Variants in ZNF607 observed in about 807,000 individuals in gnomAD.
The protein encoded by ZNF607 is zinc finger protein 607.
A neutral mutation model predicts 12.8 loss-of-function variants in ZNF607; 5 were observed. The ratio of observed to expected loss-of-function variants is 0.39; its 90% CI spans 0.20 to 0.82. The LOEUF is 0.82. Among genes scored for constraint, ZNF607 ranks in the 40% least tolerant of loss-of-function variants. The pLI is 0.39. For missense variants in ZNF607, 851 were observed against 859.2 expected (o/e 0.99, Z 0.12); for synonymous variants, 287 against 276.2 (o/e 1.04, Z -0.39).
At chr19:37,702,302 A>G (rs965915615) in intron 4 of ZNF607, among the ~76,000 whole-genome samples, 3 of 151,252 alleles carry the variant, frequency 2.0e-5, no homozygotes, top group African/African-American at 7.2e-5. Flanking sequence ...AAAAAAAAAA[A>G]AAAAAAAGAA....
rs11669403 is a variant in ZNF607, at chr19:37,708,198, T to A, written c.137-186A>T. Among the ~76,000 whole-genome samples the A allele has an allele frequency of 3.8e-3, 542 of 142,040 alleles. 7 individuals are homozygous for A. Among genetic ancestry groups the A allele is most frequent in the Middle Eastern group, 0.033 (9 of 274 alleles). 93.2% of individuals were successfully genotyped at this position (142,040 alleles called of 152,430 possible). ...TTTGTTTGCTGGTTTTCAAAAAAAA[T>A]TTTTTTTTTTTTTTTGCGACGGAGT... is the stretch of plus-strand genomic sequence containing the variant. On this transcript the variant is annotated intron_variant, in intron 3 of 4. Coordinates refer to ENST00000355202, the MANE Select transcript of ZNF607 (RefSeq NM_032689.5).
At chr19:37,711,864 G>T (rs371076111) in intron 1 of ZNF607, among the ~76,000 whole-genome samples, 172 bp from the exon 2 acceptor site, 2 of 152,132 alleles carry the variant, frequency 1.3e-5, no homozygotes, top group South Asian at 4.2e-4. Context: ...CTACCCAAGG[G>T]CCTCACCTAC....
chr19:37,699,940 C>A (rs1228208347), intron 4 of ZNF607, 45 bp from the exon 5 acceptor site: 3 of 1,391,028 alleles, frequency 2.2e-6, no homozygotes, highest in South Asian at 1.4e-5. Flanking sequence ...GAGAAAATGT[C>A]AATGTTATTG....
intron 1 of ZNF607, among the ~76,000 whole-genome samples, chr19:37,713,437 A>AT (rs60121706): frequency 0.023 from 3,176 of 140,588 alleles, 49 homozygotes; most frequent in East Asian, 0.051. Flanking sequence ...TAAAAGTCTG[A>AT]TTTTTTTTTT....
intron 4 of ZNF607, among the ~76,000 whole-genome samples, chr19:37,701,206 CTTCA>C (rs1432219649): frequency 2.6e-5 from 4 of 152,058 alleles, no homozygotes; most frequent in Non-Finnish European, 5.9e-5. Context: ...GAAAGGAAGT[CTTCA>C]AAGACTTAGA....
Position 37,698,836 on chromosome 19 carries a change from T to C in ZNF607, c.1295A>G (p.Gln432Arg). 1.2e-6 allele frequency: 2 copies of C among 1,611,974 alleles called. No individual in the cohort carries two copies. The highest frequency in any genetic ancestry group is 1.7e-5 in the Admixed American group (1 of 59,776). The part of the protein sequence containing the change: ...KCKECGKAFS[Q>R]RAHLAHHNRI... ...GTTATGATGGGCAAGGTGTGCACGC[T>C]GACTGAAGGCCTTCCCACATTCCTT... Residue 432 changes from glutamine to arginine, a missense_variant, in exon 5 of 5, where the codon CAG (glutamine) becomes CGG (arginine). Physicochemically the swap from Gln to Arg is conservative, Grantham distance 43. Transcript: ENST00000355202.
intron 4 of ZNF607, among the ~76,000 whole-genome samples, chr19:37,704,002 G>A (rs1367741512): frequency 6.6e-6 from 1 of 151,994 alleles, no homozygotes; most frequent in Admixed American, 6.6e-5. Context: ...GGGTGTGGTG[G>A]TATGCATCTG....
chr19:37,704,119 G>A (rs2045061676), intron 4 of ZNF607, among the ~76,000 whole-genome samples: 1 of 151,010 alleles, frequency 6.6e-6, no homozygotes, highest in Admixed American at 6.6e-5. Flanking sequence ...GGGTGACAGA[G>A]TAAGACTCCG....
Position 37,696,743 on chromosome 19 carries a change from C to T in ZNF607, c.*1297G>A. 1 of 1,143,938 alleles carries T rather than the reference C, an allele frequency of 8.7e-7. No individual in the cohort carries two copies. Among genetic ancestry groups the T allele is most frequent in the Non-Finnish European group, 1.3e-6 (1 of 763,786 alleles). The allele number at this position is 1,143,938 out of a possible 1,614,324, so 70.9% of individuals were successfully genotyped here. A position where few individuals can be genotyped will look rare whatever the true frequency, so the allele number is the denominator to read the frequency against. Reference sequence around the variant, plus strand: ...TTGCACAGCTCGCTCTGGCCGTCCCCTGCAGTGGCCAGTGAGTTGGCGATC... The same window carrying T: ...TTGCACAGCTCGCTCTGGCCGTCCCTTGCAGTGGCCAGTGAGTTGGCGATC... On this transcript the variant is annotated 3_prime_UTR_variant, in exon 5 of 5. Transcript: ENST00000355202.
At chr19:37,701,358 G>C (rs1260026803) in intron 4 of ZNF607, among the ~76,000 whole-genome samples, 1 of 151,958 alleles carries the variant, frequency 6.6e-6, no homozygotes, top group Non-Finnish European at 1.5e-5. Flanking sequence ...AACCTTTTTC[G>C]ATTACCTACT....
At chr19:37,709,599 T>A in intron 3 of ZNF607, 97 bp downstream of exon 3, 2 of 1,404,570 alleles carry the variant, frequency 1.4e-6, no homozygotes, top group Non-Finnish European at 1.9e-6. Context: ...TTTAGTTTCT[T>A]AAAAGGCAGC....
intron 1 of ZNF607, among the ~76,000 whole-genome samples, chr19:37,713,409 CGTAGTAG>C (rs1568407695): frequency 6.6e-6 from 1 of 151,460 alleles, no homozygotes; most frequent in Non-Finnish European, 1.5e-5. Context: ...TCAGGTGTGG[CGTAGTAG>C]AAGCACTTAA....
chr19:37,718,220 T>C (rs1028484441), intron 1 of ZNF607, among the ~76,000 whole-genome samples: 2 of 152,220 alleles, frequency 1.3e-5, no homozygotes, highest in Admixed American at 1.3e-4. Flanking sequence ...AGTACACCAA[T>C]GACCGAGAAT....
intron 4 of ZNF607, among the ~76,000 whole-genome samples, chr19:37,706,193 C>T (rs530487114): frequency 3.6e-5 from 5 of 139,902 alleles, no homozygotes; most frequent in East Asian, 4.1e-4. Flanking sequence ...GACTCTATCT[C>T]GAAAGATGGA....
At chr19:37,706,585 TGAG>T (rs1299159994) in intron 4 of ZNF607, 3 of 152,216 alleles carry the variant, frequency 2.0e-5, no homozygotes, top group African/African-American at 7.2e-5. Flanking sequence ...GTAGCTCTGC[TGAG>T]GAGGAGGTAA....
rs1435560893 is a variant in ZNF607 at position 37,699,724 on chromosome 19, T to G, written c.407A>C (p.His136Pro). 1.2e-6 allele frequency: 2 copies of G among 1,614,106 alleles called. No individual in the cohort carries two copies. The highest frequency in any genetic ancestry group is 1.3e-5 in the African/African-American group (1 of 75,054). The stretch of plus-strand genomic sequence containing the variant: ...ACATTGATCAGGTTCCTCACTAGTA[T>G]GAATTGTTTGATGTACCATGAGTTC... ...LTELMVHQTI[H>P]TSEEPDQCEK... Residue 136 changes from histidine (H) to proline (P), a missense_variant, in exon 5 of 5, where the codon CAT becomes CCT. By Grantham distance (77) the His-to-Pro change is moderately conservative. Coordinates refer to ENST00000355202, the MANE Select transcript of ZNF607 (RefSeq NM_032689.5).
Position 37,711,642 on chromosome 19 carries a change from T to C in ZNF607, c.-24A>G, listed in dbSNP as rs758947838. On this transcript the variant is annotated 5_prime_UTR_variant, in exon 2 of 5. Transcript: ENST00000355202. ...ATGGTTTGAGACTGGCAAGAGTTGA[T>C]CAGTCCTTGGCGTTTCTCTACCAGA... The C allele has an allele frequency of 2.5e-6, 4 of 1,613,732 alleles. No homozygotes were observed. Among genetic ancestry groups the C allele is most frequent in the Non-Finnish European group, 3.4e-6 (4 of 1,179,680 alleles).
Position 37,697,362 on chromosome 19 carries a change from A to T in ZNF607, c.*678T>A. ...CATGCCTCCTGCAACAGCTAAGGCC[A>T]GGCCAAACTTGCCGATGGACTCAAA... On this transcript the variant is annotated 3_prime_UTR_variant, in exon 5 of 5. Coordinates refer to ENST00000355202, the MANE Select transcript of ZNF607 (RefSeq NM_032689.5). 6.6e-7 allele frequency: 1 copy of T among 1,517,632 alleles called. No homozygotes were observed. The highest frequency in any genetic ancestry group is 1.1e-5 in the South Asian group (1 of 89,138). 94.0% of individuals were successfully genotyped at this position (1,517,632 alleles called of 1,614,324 possible).
chr19:37,698,968 C>T lies in ZNF607; in HGVS notation c.1163G>A (p.Ser388Asn), dbSNP rs374971625. Residue 388 changes from serine (S) to asparagine (N), a missense_variant, in exon 5 of 5, where the codon AGT becomes AAT. By Grantham distance (46) the Ser-to-Asn change is conservative. Transcript: ENST00000355202. Reference sequence around the variant, plus strand: ...GTTACATTCATAGGGTTTCTTACCACTATGAATACCCTGATGTCGAGTAAG... The same window carrying T: ...GTTACATTCATAGGGTTTCTTACCATTATGAATACCCTGATGTCGAGTAAG... ...GRLTRHQGIH[S>N]GKKPYECNKC... 8.1e-6 allele frequency: 13 copies of T among 1,613,228 alleles called. No individual in the cohort carries two copies. Among genetic ancestry groups the T allele is most frequent in the East Asian group, 6.7e-5 (3 of 44,748 alleles).
Sources: gnomAD v4.1 joint callset for allele counts (sites outside exome capture counted in the v4.1 genomes callset) on GRCh38, gnomAD v4.1.1 for gene constraint, MANE v1.5 for transcripts, NCBI Gene and HGNC (gene_info 2026-07-23, HGNC 2026-07-21) for gene names.